Variants in SNX29 observed in about 807,000 individuals in gnomAD.
SNX29 encodes sorting nexin-29.
In SNX29, 78 loss-of-function variants were observed where a neutral mutation model predicts 102.1. The ratio of observed to expected loss-of-function variants is 0.76; its 90% confidence interval spans 0.64 to 0.92. SNX29 has a LOEUF of 0.92. Among genes scored for constraint, SNX29 ranks in the 40% least tolerant of loss-of-function variants. The pLI is 0.00. For synonymous variants in SNX29, 580 were observed against 414.5 expected (o/e 1.40, Z -4.85); for missense variants, 1,280 against 1,061.7 (o/e 1.21, Z -2.86).
At chr16:12,471,043 G>A (rs1026845322) in intron 18 of SNX29, among the ~76,000 whole-genome samples, 5 of 152,158 alleles carry the variant, frequency 3.3e-5, no homozygotes, top group African/African-American at 1.2e-4. Flanking sequence ...TCCCTATGTA[G>A]CTGTGCGCCT....
At chr16:12,202,878 TTG>T (rs1334992513) in intron 14 of SNX29, among the ~76,000 whole-genome samples, 3 of 152,208 alleles carry the variant, frequency 2.0e-5, no homozygotes, top group Non-Finnish European at 2.9e-5. Context: ...AACCTTAGGG[TTG>T]TGTGGACAAG....
intron 14 of SNX29, among the ~76,000 whole-genome samples, chr16:12,218,209 A>T (rs1401132022): frequency 1.3e-5 from 2 of 152,250 alleles, no homozygotes; most frequent in African/African-American, 2.4e-5. Flanking sequence ...GATTTTTAAA[A>T]ATGAGTAATA....
intron 18 of SNX29, among the ~76,000 whole-genome samples, chr16:12,457,956 G>C (rs769633321): frequency 6.6e-6 from 1 of 152,206 alleles, no homozygotes; most frequent in South Asian, 2.1e-4. Context: ...GGTGCAGAGA[G>C]TGTGCCTATC....
At chr16:12,437,892 G>T (rs983017589) in intron 18 of SNX29, among the ~76,000 whole-genome samples, 5 of 151,974 alleles carry the variant, frequency 3.3e-5, no homozygotes, top group African/African-American at 1.2e-4. Context: ...GCATCTTCAT[G>T]CTGGGCTTGC....
chr16:12,482,004 A>G (rs1377484640), intron 19 of SNX29, among the ~76,000 whole-genome samples: 1 of 152,152 alleles, frequency 6.6e-6, no homozygotes, highest in East Asian at 1.9e-4. Context: ...TCAACACCCA[A>G]CAGGGGCCAC....
intron 14 of SNX29, among the ~76,000 whole-genome samples, chr16:12,273,483 C>T (rs528769313): frequency 9.2e-5 from 14 of 151,908 alleles, no homozygotes; most frequent in African/African-American, 2.2e-4. Context: ...CTCAGCCTCC[C>T]GAGTAGTTGG....
chr16:12,075,255 T>C (rs559624837), intron 10 of SNX29, among the ~76,000 whole-genome samples: 1 of 152,344 alleles, frequency 6.6e-6, no homozygotes, highest in African/African-American at 2.4e-5. Flanking sequence ...TTTTAGAGTT[T>C]GCAGTTTTTC....
At chr16:12,358,291 T>G (rs544781393) in intron 16 of SNX29, among the ~76,000 whole-genome samples, 1 of 152,312 alleles carries the variant, frequency 6.6e-6, no homozygotes, top group Admixed American at 6.5e-5. Context: ...TGGCCCATAA[T>G]TCCCGTAGCC....
chr16:12,533,459 C>A (rs145338699), intron 20 of SNX29, among the ~76,000 whole-genome samples: 3 of 152,196 alleles, frequency 2.0e-5, no homozygotes, highest in African/African-American at 7.2e-5. Flanking sequence ...TTGCACCTCC[C>A]CACCCCCATC....
chr16:12,328,704 A>G (rs906201552), intron 15 of SNX29, among the ~76,000 whole-genome samples: 3 of 152,170 alleles, frequency 2.0e-5, no homozygotes, highest in African/African-American at 7.2e-5. Flanking sequence ...ACACATTTCT[A>G]TCACAGTCTG....
chr16:11,982,228 A>G (rs2150961001), intron 1 of SNX29, among the ~76,000 whole-genome samples: 1 of 149,730 alleles, frequency 6.7e-6, no homozygotes. Context: ...CAATTTGTTT[A>G]TTTTTCTTTA....
chr16:12,370,249 C>CAA (rs1567489935), intron 16 of SNX29, among the ~76,000 whole-genome samples: 1 of 151,644 alleles, frequency 6.6e-6, no homozygotes, highest in Non-Finnish European at 1.5e-5. Flanking sequence ...AAAACAAAAA[C>CAA]AAAAAACAAT....
chr16:12,228,662 T>G (rs2077686149), intron 14 of SNX29, among the ~76,000 whole-genome samples: 2 of 152,364 alleles, frequency 1.3e-5, no homozygotes, highest in Admixed American at 6.5e-5. Context: ...CAACCCTGTC[T>G]GGTGCGCAGC....
chr16:12,565,666 C>T (rs540912811), intron 20 of SNX29, among the ~76,000 whole-genome samples: 180 of 152,334 alleles, frequency 1.2e-3, no homozygotes, highest in African/African-American at 3.8e-3. Context: ...GCTCAGTGCA[C>T]GTCCCGAGCT....
intron 20 of SNX29, among the ~76,000 whole-genome samples, chr16:12,532,729 T>A (rs1597780854): frequency 6.6e-6 from 1 of 151,546 alleles, no homozygotes; most frequent in African/African-American, 2.4e-5. Context: ...CAGGAAGAGG[T>A]GTTGGCCTTG....
intron 13 of SNX29, among the ~76,000 whole-genome samples, chr16:12,178,831 A>G (rs955537114): frequency 6.6e-5 from 10 of 152,188 alleles, no homozygotes; most frequent in Non-Finnish European, 1.0e-4. Context: ...TAGATGACAC[A>G]TGGGCTTCTC....
At chr16:12,375,515 G>T (rs575107368) in intron 16 of SNX29, 1 of 152,176 alleles carries the variant, frequency 6.6e-6, no homozygotes, top group Non-Finnish European at 1.5e-5. Context: ...GACACCTCAG[G>T]GCTCTCCTAG....
chr16:12,568,936 G>C lies in SNX29; in HGVS notation c.*307G>C, dbSNP rs1205801730. ...ACCTTTCTGTAGTTCAGGGCTGGCA[G>C]GAGGGTGGGCACCAGGTCAGGCTGG... On this transcript the variant is annotated 3_prime_UTR_variant, in exon 21 of 21. Transcript: ENST00000566228. The C allele has an allele frequency of 2.0e-5, 8 of 406,622 alleles. No individual in the cohort carries two copies. Among genetic ancestry groups the C allele is most frequent in the Non-Finnish European group, 3.5e-5 (8 of 227,400 alleles). The allele number at this position is 406,622 out of a possible 1,614,324, so 25.2% of individuals were successfully genotyped here. A position where few individuals can be genotyped will look rare whatever the true frequency, so the allele number is the denominator to read the frequency against.
intron 11 of SNX29, among the ~76,000 whole-genome samples, chr16:12,122,455 G>A (rs1275903849): frequency 6.6e-6 from 1 of 152,072 alleles, no homozygotes; most frequent in Non-Finnish European, 1.5e-5. Flanking sequence ...GCTATAGCCA[G>A]CAAGCCCCAG....
Sources: allele counts gnomAD v4.1 joint callset (sites outside exome capture counted in the v4.1 genomes callset), GRCh38; gene constraint gnomAD v4.1.1; transcripts MANE v1.5; gene names NCBI Gene and HGNC (gene_info 2026-07-23, HGNC 2026-07-21).